The following RBFOX1 variants were observed in gnomAD, a reference collection of about 807,000 sequenced individuals.
RBFOX1 encodes the protein RNA binding protein fox-1 homolog 1.
Under a neutral mutation model 57.7 loss-of-function variants are expected in RBFOX1, and 8 were observed. That is an observed-to-expected ratio of 0.14 (90% CI 0.08 to 0.25). The LOEUF (loss-of-function observed/expected upper bound fraction) is 0.25. Among genes scored for constraint, RBFOX1 ranks in the 10% least tolerant of loss-of-function variants. RBFOX1 has a pLI of 1.00. For missense variants in RBFOX1, 611 were observed against 548.5 expected (o/e 1.11, Z -1.14); for synonymous variants, 326 against 222.4 (o/e 1.47, Z -4.15).
intron 4 of RBFOX1, among the ~76,000 whole-genome samples, chr16:7,354,533 A>G (rs747348557): frequency 4.4e-4 from 67 of 152,140 alleles, no homozygotes; most frequent in Non-Finnish European, 7.6e-4. Flanking sequence ...AAAAAAAACT[A>G]CTTCCTAAAA....
intron 11 of RBFOX1, among the ~76,000 whole-genome samples, chr16:7,643,674 C>G (rs536753938): frequency 2.0e-5 from 3 of 152,164 alleles, no homozygotes. Flanking sequence ...AACACAACCT[C>G]CCCCTCACAT....
chr16:6,960,451 T>C (rs1330379049), intron 3 of RBFOX1, among the ~76,000 whole-genome samples: 1 of 152,162 alleles, frequency 6.6e-6, no homozygotes, highest in Non-Finnish European at 1.5e-5. Flanking sequence ...TAAACTCCCT[T>C]GTCTCCCAGT....
intron 2 of RBFOX1, among the ~76,000 whole-genome samples, chr16:6,499,768 G>A (rs886572794): frequency 6.6e-6 from 1 of 152,054 alleles, no homozygotes; most frequent in African/African-American, 2.4e-5. Context: ...GAATCAGAAA[G>A]TCTCCATTTA....
chr16:6,145,621 C>G (rs1307102544), intron 1 of RBFOX1, among the ~76,000 whole-genome samples: 1 of 152,160 alleles, frequency 6.6e-6, no homozygotes, highest in Non-Finnish European at 1.5e-5. Flanking sequence ...AAATTATCCA[C>G]TTTCCCTCTT....
chr16:5,531,834 C>G (rs1268199737), intron 2 of RBFOX1, among the ~76,000 whole-genome samples: 2 of 147,188 alleles, frequency 1.4e-5, no homozygotes, highest in East Asian at 4.0e-4. Context: ...TGGAGTCTCA[C>G]TCTGTCACCC....
At chr16:5,882,354 G>C (rs769601864) in intron 4 of RBFOX1, among the ~76,000 whole-genome samples, 1 of 152,188 alleles carries the variant, frequency 6.6e-6, no homozygotes, top group African/African-American at 2.4e-5. Context: ...AAAGCCTGCG[G>C]ATGAGCAATT....
At chr16:6,789,824 T>A (rs114782158) in intron 3 of RBFOX1, among the ~76,000 whole-genome samples, 79 of 152,218 alleles carry the variant, frequency 5.2e-4, no homozygotes, top group African/African-American at 1.9e-3. Context: ...TCTGTCTTTG[T>A]GCTTTCTCCC....
intron 4 of RBFOX1, among the ~76,000 whole-genome samples, chr16:5,889,096 T>C (rs1384676191): frequency 2.0e-5 from 3 of 152,196 alleles, no homozygotes; most frequent in Non-Finnish European, 4.4e-5. Flanking sequence ...ATCTTATTTT[T>C]CTTCAACTTT....
intron 3 of RBFOX1, among the ~76,000 whole-genome samples, chr16:5,649,870 C>G (rs1567345996): frequency 6.6e-6 from 1 of 152,134 alleles, no homozygotes; most frequent in Non-Finnish European, 1.5e-5. Context: ...GCTTGTTAGT[C>G]CTTCACACTG....
At chr16:6,075,271 TAAG>T (rs1220673849) in intron 1 of RBFOX1, among the ~76,000 whole-genome samples, 1 of 152,164 alleles carries the variant, frequency 6.6e-6, no homozygotes, top group Non-Finnish European at 1.5e-5. Context: ...CTTTGAGAAA[TAAG>T]ATCACCACAT....
chr16:6,926,025 C>G (rs1006879082), intron 3 of RBFOX1, among the ~76,000 whole-genome samples: 2 of 152,032 alleles, frequency 1.3e-5, no homozygotes, highest in African/African-American at 4.8e-5. Flanking sequence ...CCTCAACTTG[C>G]TGGCTGGGCT....
chr16:5,291,135 G>C (rs1187186534), intron 1 of RBFOX1, among the ~76,000 whole-genome samples: 1 of 152,196 alleles, frequency 6.6e-6, no homozygotes, highest in Non-Finnish European at 1.5e-5. Context: ...CTTCACACGA[G>C]TGGTCCCACC....
At chr16:6,350,444 GAAAAAAAAAAAAAAAAAA>G (rs569363563) in intron 2 of RBFOX1, among the ~76,000 whole-genome samples, 18 of 74,612 alleles carry the variant, frequency 2.4e-4, no homozygotes, top group Admixed American at 4.9e-4. Context: ...TCTGTCTCAA[GAAAAAAAAAAAAAAAAAA>G]AAAAAAAAAA....
At chr16:6,316,682 C>G (rs1012082128) in intron 1 of RBFOX1, among the ~76,000 whole-genome samples, 1 of 152,032 alleles carries the variant, frequency 6.6e-6, no homozygotes, top group Non-Finnish European at 1.5e-5. Flanking sequence ...TTGACTTGCC[C>G]GAGTTCAAAT....
At chr16:7,002,169 A>G (rs113068418) in intron 3 of RBFOX1, among the ~76,000 whole-genome samples, 5,993 of 152,154 alleles carry the variant, frequency 0.039, 370 homozygotes, top group African/African-American at 0.13. Context: ...TCCACCTCTC[A>G]GTGTACTGAC....
intron 3 of RBFOX1, among the ~76,000 whole-genome samples, chr16:5,700,946 T>G (rs1596826246): frequency 3.9e-5 from 6 of 152,288 alleles, no homozygotes; most frequent in Admixed American, 3.9e-4. Context: ...GGATGGTTCT[T>G]GAAAGGTTAA....
At chr16:6,817,957 G>A (rs1171981704) in intron 3 of RBFOX1, among the ~76,000 whole-genome samples, 1 of 152,176 alleles carries the variant, frequency 6.6e-6, no homozygotes, top group Non-Finnish European at 1.5e-5. Flanking sequence ...TTCAGAATGA[G>A]ATGATCTGGT....
chr16:6,541,244 C>T (rs936593478), intron 2 of RBFOX1, among the ~76,000 whole-genome samples: 3 of 152,162 alleles, frequency 2.0e-5, no homozygotes, highest in African/African-American at 7.2e-5. Flanking sequence ...TGTAGTCTCT[C>T]CTGGAATAGC....
chr16:6,731,347 C>G (rs750946817), intron 3 of RBFOX1, among the ~76,000 whole-genome samples: 1 of 152,054 alleles, frequency 6.6e-6, no homozygotes, highest in African/African-American at 2.4e-5. Context: ...CATTGTGGAT[C>G]GTTGATGTCT....
Sources: allele counts gnomAD v4.1 joint callset (sites outside exome capture counted in the v4.1 genomes callset), GRCh38; gene constraint gnomAD v4.1.1; transcripts MANE v1.5; gene names NCBI Gene and HGNC (gene_info 2026-07-23, HGNC 2026-07-21).